Variants in SGCZ observed in about 807,000 individuals in gnomAD.
SGCZ encodes sarcoglycan zeta.
In SGCZ, 40 loss-of-function variants were observed where a neutral mutation model predicts 41.3. The observed-to-expected ratio is 0.97, with a 90% CI of 0.75 to 1.26. The LOEUF is 1.26. SGCZ is among the 50% of genes most tolerant of loss of function. The probability of loss-of-function intolerance (pLI) is 0.00; values close to 1 mark genes in which losing one functional copy is unlikely to be tolerated. For missense variants in SGCZ, 552 were observed against 369.8 expected, an observed-to-expected ratio of 1.49 and a Z score of -4.04; for synonymous variants, 206 against 137.5, an observed-to-expected ratio of 1.50 and a Z score of -3.49.
rs182379701 is a variant in SGCZ at position 14,871,533 on chromosome 8, C to T, written c.40-316607G>A. Among the ~76,000 whole-genome samples, 6 of 152,064 alleles carry T rather than the reference C, an allele frequency of 3.9e-5. No individual in the cohort carries two copies. In the East Asian group the frequency reaches 7.8e-4, roughly 20 times the overall value. ...GAATAAAGAAAATGTGGGCTGGGTG[C>T]AGTGGCTCACACCTGTAATCCCAGC... is the stretch of plus-strand genomic sequence containing the variant. On this transcript the variant is annotated intron_variant, in intron 1 of 7. Coordinates refer to ENST00000382080, the MANE Select transcript of SGCZ (RefSeq NM_139167.4).
rs1453212254 is a variant in SGCZ at position 14,089,319 on chromosome 8, C to G, written c.*1124G>C. On this transcript the variant is annotated 3_prime_UTR_variant, in exon 8 of 8. Transcript: ENST00000382080. ...ATTTTCAATATTTATTAGCATTTGTCATTTTTACTGTTTAGTCAAGAAATT... is the reference window on the plus strand; with the variant it reads ...ATTTTCAATATTTATTAGCATTTGTGATTTTTACTGTTTAGTCAAGAAATT... Among the ~76,000 whole-genome samples the G allele has an allele frequency of 6.6e-6, 1 of 151,924 alleles. No homozygotes were observed. The highest frequency in any genetic ancestry group is 1.9e-4 in the East Asian group (1 of 5,168).
At chr8:14,266,906 G>A (rs192211053) in intron 3 of SGCZ, among the ~76,000 whole-genome samples, 29 of 152,162 alleles carry the variant, frequency 1.9e-4, no homozygotes, top group Admixed American at 8.5e-4. Flanking sequence ...ACTATTGCAA[G>A]ACAAAATATG....
chr8:15,147,230 C>T (rs746785057), intron 1 of SGCZ, among the ~76,000 whole-genome samples: 12 of 152,122 alleles, frequency 7.9e-5, no homozygotes, highest in African/African-American at 2.4e-4. Flanking sequence ...CATCCTCACT[C>T]CCCAACCTAC....
chr8:14,504,717 A>C (rs1052481870), intron 2 of SGCZ, among the ~76,000 whole-genome samples: 1 of 152,132 alleles, frequency 6.6e-6, no homozygotes, highest in African/African-American at 2.4e-5. Flanking sequence ...GTTCAATTAA[A>C]TACATATCTC....
Position 15,015,610 on chromosome 8 carries a change from C to T in SGCZ, c.39+221975G>A, listed in dbSNP as rs1426022246. ...GGCTGAGGCAGGAGAATGGCGTGAACCCGGGAGGCAGAGCTTGCAGTGAGC... is the reference window on the plus strand; with the variant it reads ...GGCTGAGGCAGGAGAATGGCGTGAATCCGGGAGGCAGAGCTTGCAGTGAGC... On this transcript the variant is annotated intron_variant, in intron 1 of 7. Coordinates refer to ENST00000382080, the MANE Select transcript of SGCZ (RefSeq NM_139167.4). Among the ~76,000 whole-genome samples, 8 of 150,676 alleles carry T rather than the reference C, an allele frequency of 5.3e-5. No individual in the cohort carries two copies. In the South Asian group the frequency reaches 1.1e-3, roughly 20 times the overall value.
In SGCZ at chr8:14,085,566, A is replaced by G. The variant is rs1472871353; in HGVS notation, c.*4877T>C. On this transcript the variant is annotated 3_prime_UTR_variant, in exon 8 of 8. Coordinates refer to ENST00000382080, the MANE Select transcript of SGCZ (RefSeq NM_139167.4). ...GAGCCACCTCAGTTAACAATTAAAAAATAGCCCTCTGGTTCTACAAGTATT... is the reference window on the plus strand; with the variant it reads ...GAGCCACCTCAGTTAACAATTAAAAGATAGCCCTCTGGTTCTACAAGTATT... Among the ~76,000 whole-genome samples, 2 of 151,876 alleles carry G rather than the reference A, an allele frequency of 1.3e-5. No individual in the cohort carries two copies. The highest frequency in any genetic ancestry group is 2.9e-5 in the Non-Finnish European group (2 of 67,852).
chr8:14,477,970 T>G (rs2116996015), intron 2 of SGCZ, among the ~76,000 whole-genome samples: 1 of 152,316 alleles, frequency 6.6e-6, no homozygotes, highest in South Asian at 2.1e-4. Flanking sequence ...AAGGAATGAG[T>G]TGAAGACTTT....
intron 1 of SGCZ, among the ~76,000 whole-genome samples, chr8:14,580,386 A>G (rs1804848714): frequency 6.6e-6 from 1 of 152,226 alleles, no homozygotes. Flanking sequence ...AATACTTTAA[A>G]TGGAAGGATT....
intron 4 of SGCZ, among the ~76,000 whole-genome samples, chr8:14,233,774 AT>A (rs1806657507): frequency 6.6e-6 from 1 of 151,520 alleles, no homozygotes; most frequent in African/African-American, 2.4e-5. Flanking sequence ...TTTTTCACCT[AT>A]AAAAGAAAAA....
chr8:14,746,078 ATGTT>A (rs1293215189), intron 1 of SGCZ, among the ~76,000 whole-genome samples: 2 of 152,022 alleles, frequency 1.3e-5, no homozygotes, highest in Non-Finnish European at 2.9e-5. Context: ...TTGTTTTAAT[ATGTT>A]TGTTACCATT....
At position 14,456,995 on chromosome 8, in the gene SGCZ, CT is replaced by C. The variant is rs1207788387; in HGVS notation, c.234+97736del. ...TTGTGAGGCCTCCCAGAAGCAGATG[CT>C]TCCAGTGGGGCTGTGGGCGACAAGC... On this transcript the variant is annotated intron_variant, in intron 2 of 7. Coordinates refer to ENST00000382080, the MANE Select transcript of SGCZ (RefSeq NM_139167.4). Among the ~76,000 whole-genome samples the C allele has an allele frequency of 3.9e-5, 6 of 152,182 alleles. No individual in the cohort carries two copies. The East Asian group carries it at 1.2e-3, about 29-fold the overall frequency.
At chr8:15,092,761 C>G (rs1280751667) in intron 1 of SGCZ, among the ~76,000 whole-genome samples, 1 of 152,138 alleles carries the variant, frequency 6.6e-6, no homozygotes, top group Non-Finnish European at 1.5e-5. Context: ...ACACATTGAT[C>G]AAACCCTGTA....
chr8:14,922,703 G>C (rs1361866746), intron 1 of SGCZ, among the ~76,000 whole-genome samples: 1 of 152,126 alleles, frequency 6.6e-6, no homozygotes, highest in Non-Finnish European at 1.5e-5. Flanking sequence ...GGGATATAAA[G>C]CAATCTAAGA....
At chr8:15,168,378 G>A (rs77427857) in intron 1 of SGCZ, among the ~76,000 whole-genome samples, 126 of 152,290 alleles carry the variant, frequency 8.3e-4, no homozygotes, top group African/African-American at 2.7e-3. Context: ...GTCTAGGAAC[G>A]CAGAGGCTAC....
intron 2 of SGCZ, among the ~76,000 whole-genome samples, chr8:14,377,656 T>A (rs1392041347): frequency 6.6e-6 from 1 of 151,982 alleles, no homozygotes; most frequent in Non-Finnish European, 1.5e-5. Flanking sequence ...ATTAGGTATA[T>A]CTCCCAATAC....
intron 1 of SGCZ, among the ~76,000 whole-genome samples, chr8:14,822,073 T>TATAC (rs201894786): frequency 7.1e-6 from 1 of 141,590 alleles, no homozygotes; most frequent in Admixed American, 7.1e-5. Context: ...CCCTAAAGAT[T>TATAC]ACACACACAC....
At chr8:15,078,127 G>T (rs553962557) in intron 1 of SGCZ, among the ~76,000 whole-genome samples, 1 of 142,828 alleles carries the variant, frequency 7.0e-6, no homozygotes, top group East Asian at 2.1e-4. Context: ...TGAGGTGACA[G>T]CCTGTTGGCA....
intron 1 of SGCZ, among the ~76,000 whole-genome samples, chr8:14,877,990 C>T (rs1048336982): frequency 6.6e-6 from 1 of 151,724 alleles, no homozygotes; most frequent in African/African-American, 2.4e-5. Flanking sequence ...TCCTTTTAAA[C>T]AAATCTCTAA....
At chr8:14,973,501 C>T (rs1007411778) in intron 1 of SGCZ, among the ~76,000 whole-genome samples, 5 of 152,092 alleles carry the variant, frequency 3.3e-5, no homozygotes, top group Non-Finnish European at 7.4e-5. Flanking sequence ...CTCCCTTGTC[C>T]GTTTAACTGT....
Sources: allele counts gnomAD v4.1 joint callset (sites outside exome capture counted in the v4.1 genomes callset), GRCh38; gene constraint gnomAD v4.1.1; transcripts MANE v1.5; gene names NCBI Gene and HGNC (gene_info 2026-07-23, HGNC 2026-07-21).